The following ATRNL1 variants were observed in gnomAD, a reference collection of about 807,000 sequenced individuals.
The protein encoded by ATRNL1 is attractin-like protein 1.
Under a neutral mutation model 182.7 loss-of-function variants are expected in ATRNL1, and 95 were observed. That is an observed-to-expected ratio of 0.52 (90% CI 0.44 to 0.62). ATRNL1 has a LOEUF of 0.62. Among genes scored for constraint, ATRNL1 ranks in the 20% least tolerant of loss-of-function variants. ATRNL1 has a pLI of 0.00. For synonymous variants in ATRNL1, 576 were observed against 568.3 expected (o/e 1.01, Z -0.19); for missense variants, 1,471 against 1,679.5 (o/e 0.88, Z 2.17).
chr10:115,129,235 C>A, intron 4 of ATRNL1, 92 bp from the exon 5 acceptor site: 1 of 850,072 alleles, frequency 1.2e-6, no homozygotes, highest in Admixed American at 2.1e-5. Context: ...GCACATAGGA[C>A]ACAGTATAAA....
intron 21 of ATRNL1, among the ~76,000 whole-genome samples, chr10:115,444,666 T>C (rs1554966313): frequency 6.6e-6 from 1 of 151,982 alleles, no homozygotes; most frequent in South Asian, 2.1e-4. Context: ...AAAACTGATA[T>C]GTAGATTATG....
At chr10:115,728,324 G>T (rs1323082231) in intron 27 of ATRNL1, among the ~76,000 whole-genome samples, 2 of 128,690 alleles carry the variant, frequency 1.6e-5, no homozygotes, top group Non-Finnish European at 3.4e-5. Flanking sequence ...AAAAAAAAAA[G>T]GATGCAAAAT....
At chr10:115,832,930 C>G (rs1439942261) in intron 27 of ATRNL1, among the ~76,000 whole-genome samples, 1 of 152,080 alleles carries the variant, frequency 6.6e-6, no homozygotes, top group East Asian at 1.9e-4. Flanking sequence ...AATGAAGTAT[C>G]AAGGTAATTC....
At chr10:115,597,529 A>T (rs1290592274) in intron 26 of ATRNL1, 2 of 368,382 alleles carry the variant, frequency 5.4e-6, no homozygotes, top group African/African-American at 2.2e-5. Flanking sequence ...ATGAGAAAAA[A>T]CTTTGTAAAC....
intron 26 of ATRNL1, among the ~76,000 whole-genome samples, chr10:115,623,599 C>A (rs564214500): frequency 3.4e-4 from 51 of 151,596 alleles, no homozygotes; most frequent in Admixed American, 9.9e-4. Context: ...TACAAAAAAA[C>A]CAAAATAAAG....
At chr10:115,195,334 A>G (rs1403563130) in intron 8 of ATRNL1, among the ~76,000 whole-genome samples, 1 of 152,078 alleles carries the variant, frequency 6.6e-6, no homozygotes, top group African/African-American at 2.4e-5. Context: ...CTGAGAAAGT[A>G]TTTCTCCTTT....
chr10:115,773,276 C>G (rs7478359), intron 27 of ATRNL1, among the ~76,000 whole-genome samples: 31,344 of 152,076 alleles, frequency 0.21, 3,386 homozygotes, highest in South Asian at 0.29. Context: ...TTTCAGATTT[C>G]TTCATTGAGT....
intron 27 of ATRNL1, among the ~76,000 whole-genome samples, chr10:115,782,642 C>T (rs910688107): frequency 2.2e-4 from 33 of 152,284 alleles, no homozygotes; most frequent in African/African-American, 7.9e-4. Flanking sequence ...AACTGGGAGT[C>T]TGTCATGTTC....
intron 21 of ATRNL1, among the ~76,000 whole-genome samples, chr10:115,439,864 T>C (rs1473497009): frequency 6.6e-6 from 1 of 151,944 alleles, no homozygotes; most frequent in African/African-American, 2.4e-5. Flanking sequence ...AGGCAACTTT[T>C]ACCATACATT....
intron 20 of ATRNL1, among the ~76,000 whole-genome samples, chr10:115,424,069 A>G (rs1845768116): frequency 6.6e-6 from 1 of 152,184 alleles, no homozygotes; most frequent in Non-Finnish European, 1.5e-5. Flanking sequence ...TTAGGAACCC[A>G]AAGAACTCAA....
At chr10:115,471,949 C>T (rs1229353228) in intron 24 of ATRNL1, among the ~76,000 whole-genome samples, 2 of 150,578 alleles carry the variant, frequency 1.3e-5, no homozygotes, top group Non-Finnish European at 3.0e-5. Context: ...GAGCTTAGTC[C>T]CTTTATTCTG....
At chr10:115,222,665 A>G (rs1340679619) in intron 9 of ATRNL1, among the ~76,000 whole-genome samples, 2 of 152,200 alleles carry the variant, frequency 1.3e-5, no homozygotes, top group Non-Finnish European at 2.9e-5. Context: ...GCTTAAAGAC[A>G]ATAATCATCC....
At position 115,694,173 on chromosome 10, in the gene ATRNL1, C is replaced by CACAT. The variant is rs1491105550; in HGVS notation, c.3796-33072_3796-33071insTACA. On this transcript the variant is annotated intron_variant, in intron 26 of 28. Transcript: ENST00000355044. ...TCTACTCCCACAGTCTACACAGACGCACACACACACACACACACACACACA... is the reference window on the plus strand; with the variant it reads ...TCTACTCCCACAGTCTACACAGACGCACATACACACACACACACACACACACACA... Among the ~76,000 whole-genome samples, 13 of 2,368 alleles carry CACAT rather than the reference C, an allele frequency of 5.5e-3. No homozygotes were observed. The Non-Finnish European group carries it at 0.18, about 32-fold the overall frequency. The allele number at this position is 2,368 out of a possible 152,430, so 1.6% of individuals were successfully genotyped here.
At chr10:115,099,867 C>T (rs571119377) in intron 1 of ATRNL1, among the ~76,000 whole-genome samples, 5 of 152,108 alleles carry the variant, frequency 3.3e-5, no homozygotes, top group East Asian at 1.9e-4. Flanking sequence ...TACCAGTCTG[C>T]GGCTTGTCTA....
chr10:115,300,825 A>T (rs1278935230), intron 16 of ATRNL1, among the ~76,000 whole-genome samples: 12 of 152,106 alleles, frequency 7.9e-5, no homozygotes, highest in South Asian at 4.1e-4. Flanking sequence ...CATCATCACC[A>T]TTTAGCTCCA....
At chr10:115,941,022 A>G (rs1953715929) in intron 28 of ATRNL1, among the ~76,000 whole-genome samples, 1 of 152,240 alleles carries the variant, frequency 6.6e-6, no homozygotes, top group African/African-American at 2.4e-5. Flanking sequence ...GACCTAAGCC[A>G]AATGAAACAT....
At chr10:115,632,963 G>C (rs1858614131) in intron 26 of ATRNL1, among the ~76,000 whole-genome samples, 1 of 150,940 alleles carries the variant, frequency 6.6e-6, no homozygotes, top group East Asian at 2.0e-4. Flanking sequence ...TGCGATCCTA[G>C]CTCACTACAA....
chr10:115,902,450 A>T (rs7067846), intron 28 of ATRNL1, among the ~76,000 whole-genome samples: 9,871 of 152,186 alleles, frequency 0.065, 1,014 homozygotes, highest in African/African-American at 0.22. Context: ...TATTTTTTAT[A>T]GGACTAATTA....
intron 21 of ATRNL1, among the ~76,000 whole-genome samples, chr10:115,433,587 T>C (rs1846263339): frequency 6.6e-6 from 1 of 152,178 alleles, no homozygotes; most frequent in Non-Finnish European, 1.5e-5. Flanking sequence ...TTAACCTTGT[T>C]CTTTGATTCC....
Sources: allele counts gnomAD v4.1 joint callset (sites outside exome capture counted in the v4.1 genomes callset), GRCh38; gene constraint gnomAD v4.1.1; transcripts MANE v1.5; gene names NCBI Gene and HGNC (gene_info 2026-07-23, HGNC 2026-07-21).